GABRB1: variants seen among roughly 807,000 people sequenced by gnomAD.
The protein encoded by GABRB1 is gamma-aminobutyric acid type A receptor subunit beta1.
GABRB1 carries 17 observed loss-of-function variants against 51.6 expected under a neutral mutation model. The observed-to-expected ratio is 0.33, with a 90% CI of 0.23 to 0.49. The LOEUF (loss-of-function observed/expected upper bound fraction) is 0.49. Ranked by LOEUF, GABRB1 falls within the 20% of genes least tolerant of loss-of-function variation. The probability of loss-of-function intolerance (pLI) is 0.99; values close to 1 mark genes in which losing one functional copy is unlikely to be tolerated. For missense variants in GABRB1, 410 were observed against 600.6 expected, an observed-to-expected ratio of 0.68 and a Z score of 3.32; for synonymous variants, 247 against 218.9, an observed-to-expected ratio of 1.13 and a Z score of -1.14.
chr4:47,425,818 A>C lies in GABRB1; in HGVS notation c.1225A>C (p.Ser409Arg), dbSNP rs1207296223. The part of the protein sequence containing the change: ...SASIQYRKPL[S>R]SREAYGRALD... ...CAGCATCCAGTACCGCAAGCCCCTG[A>C]GCAGCCGCGAGGCCTACGGGCGCGC... is the stretch of plus-strand genomic sequence containing the variant. The change falls in exon 9 of 9, where the codon AGC becomes CGC. Residue 409 changes from serine (S) to arginine (R), a missense_variant. Ser to Arg is a moderately radical substitution (Grantham distance 110). Around this residue, in one of 5 missense-constraint regions of GABRB1, gnomAD observed 181 missense variants for 195.6 expected, o/e 0.93. Transcript: ENST00000295454. The C allele has an allele frequency of 6.2e-7, 1 of 1,614,116 alleles. No homozygotes were observed. Among genetic ancestry groups the C allele is most frequent in the East Asian group, 2.2e-5 (1 of 44,874 alleles).
chr4:47,056,542 A>C (rs1726613631), intron 3 of GABRB1, among the ~76,000 whole-genome samples: 1 of 152,198 alleles, frequency 6.6e-6, no homozygotes, highest in Non-Finnish European at 1.5e-5. Flanking sequence ...ATCAAAAGTC[A>C]AACATGAGTG....
intron 8 of GABRB1, among the ~76,000 whole-genome samples, chr4:47,408,922 G>T (rs1728666682): frequency 6.6e-6 from 1 of 152,102 alleles, no homozygotes; most frequent in African/African-American, 2.4e-5. Flanking sequence ...TGAACTGGAT[G>T]GATACTCAAA....
chr4:47,159,018 T>C (rs536792715), intron 3 of GABRB1, among the ~76,000 whole-genome samples: 1 of 152,028 alleles, frequency 6.6e-6, no homozygotes, highest in Non-Finnish European at 1.5e-5. Flanking sequence ...GGCTCACACT[T>C]GTAATCCCAG....
At chr4:47,310,202 A>T (rs900538395) in intron 4 of GABRB1, among the ~76,000 whole-genome samples, 46 of 152,218 alleles carry the variant, frequency 3.0e-4, no homozygotes, top group African/African-American at 1.1e-3. Context: ...TTCTAAAAAA[A>T]TGGCAAAGGT....
At chr4:47,391,493 T>A (rs1727990026) in intron 5 of GABRB1, among the ~76,000 whole-genome samples, 1 of 152,230 alleles carries the variant, frequency 6.6e-6, no homozygotes, top group South Asian at 2.1e-4. Flanking sequence ...CGGCAAACCA[T>A]CACTGACTCT....
At chr4:47,080,550 C>G (rs781358646) in intron 3 of GABRB1, among the ~76,000 whole-genome samples, 7 of 152,118 alleles carry the variant, frequency 4.6e-5, no homozygotes, top group Non-Finnish European at 8.8e-5. Flanking sequence ...CTAAGTAACT[C>G]AAGTTCTTTT....
chr4:47,282,325 T>A (rs143627419), intron 4 of GABRB1, among the ~76,000 whole-genome samples: 1 of 152,332 alleles, frequency 6.6e-6, no homozygotes, highest in African/African-American at 2.4e-5. Flanking sequence ...CTCTCTGTTA[T>A]ACCTGTAGTC....
At chr4:47,221,884 G>A (rs879537143) in intron 4 of GABRB1, among the ~76,000 whole-genome samples, 3 of 151,864 alleles carry the variant, frequency 2.0e-5, no homozygotes, top group Admixed American at 6.6e-5. Context: ...TAGAACTCCT[G>A]GCCAACAGCA....
rs1001856706 is a variant in GABRB1 at position 47,165,497 on chromosome 4, G to A, written c.461+4028G>A. Among the ~76,000 whole-genome samples, 5 of 151,978 alleles carry A rather than the reference G, an allele frequency of 3.3e-5. No homozygotes were observed. In the South Asian group the frequency reaches 1.0e-3, roughly 32 times the overall value. On this transcript the variant is annotated intron_variant, in intron 4 of 8. Coordinates refer to ENST00000295454, the MANE Select transcript of GABRB1 (RefSeq NM_000812.4). ...CCAAAAATTACCAAAACAATCACTG[G>A]TTCTCAATCTCTACTCTTGACTTCT... is the stretch of plus-strand genomic sequence containing the variant.
intron 8 of GABRB1, among the ~76,000 whole-genome samples, chr4:47,412,186 T>C (rs994931890): frequency 6.6e-6 from 1 of 152,218 alleles, no homozygotes; most frequent in Non-Finnish European, 1.5e-5. Flanking sequence ...TTTCTCCTTT[T>C]AAGCTACAGC....
At chr4:47,008,619 C>A (rs1240294828) in intron 1 of GABRB1, among the ~76,000 whole-genome samples, 3 of 147,770 alleles carry the variant, frequency 2.0e-5, no homozygotes, top group African/African-American at 7.4e-5. Flanking sequence ...CCCGCCACCA[C>A]ACCCAGCTAA....
chr4:47,157,862 A>C (rs1717770362), intron 3 of GABRB1, among the ~76,000 whole-genome samples: 1 of 152,130 alleles, frequency 6.6e-6, no homozygotes, highest in East Asian at 1.9e-4. Context: ...CCAGAAATGC[A>C]TTAAAAGACC....
chr4:47,397,709 G>A (rs112519699), intron 5 of GABRB1, among the ~76,000 whole-genome samples: 7 of 152,042 alleles, frequency 4.6e-5, no homozygotes, highest in African/African-American at 1.4e-4. Flanking sequence ...TGAGATTACA[G>A]GTGCCTGCCA....
intron 4 of GABRB1, among the ~76,000 whole-genome samples, chr4:47,242,566 A>G (rs1560293587): frequency 6.6e-6 from 1 of 152,132 alleles, no homozygotes; most frequent in African/African-American, 2.4e-5. Context: ...CTGACTTTTT[A>G]ATAATCGCTA....
At position 47,043,513 on chromosome 4, in the gene GABRB1, T is replaced by G. The variant is rs530831380; in HGVS notation, c.240+11029T>G. On this transcript the variant is annotated intron_variant, in intron 3 of 8. Transcript: ENST00000295454. ...TGTTCAAAATCACTGTTACCAGACA[T>G]AAATTTAACTTGATGAATTATGTGT... 2.0e-5 allele frequency among the ~76,000 whole-genome samples: 3 copies of G among 152,194 alleles called. No individual in the cohort carries two copies. The South Asian group carries it at 6.2e-4, about 32-fold the overall frequency.
intron 5 of GABRB1, among the ~76,000 whole-genome samples, chr4:47,399,628 T>C (rs950722219): frequency 3.9e-5 from 6 of 152,232 alleles, no homozygotes; most frequent in Non-Finnish European, 8.8e-5. Flanking sequence ...TAGAGTCTTC[T>C]GTAGAAGAGT....
chr4:47,287,256 T>C (rs1723546325), intron 4 of GABRB1, among the ~76,000 whole-genome samples: 2 of 152,232 alleles, frequency 1.3e-5, no homozygotes, highest in South Asian at 2.1e-4. Context: ...TGGTTCTGTG[T>C]TTTAATTTGA....
intron 4 of GABRB1, among the ~76,000 whole-genome samples, chr4:47,205,840 A>C (rs917916336): frequency 2.0e-5 from 3 of 152,106 alleles, no homozygotes; most frequent in Admixed American, 6.6e-5. Flanking sequence ...ATTTTGCTAA[A>C]TACGGTATTT....
At chr4:47,419,957 AG>A (rs1251404653) in intron 8 of GABRB1, among the ~76,000 whole-genome samples, 5 of 152,162 alleles carry the variant, frequency 3.3e-5, no homozygotes, top group Non-Finnish European at 7.3e-5. Flanking sequence ...GCCCTCCTGA[AG>A]CCTTATTAAT....
Sources: allele counts gnomAD v4.1 joint callset (sites outside exome capture counted in the v4.1 genomes callset), GRCh38; gene constraint gnomAD v4.1.1; regional missense constraint gnomAD v4.1.1; transcripts MANE v1.5; gene names NCBI Gene and HGNC (gene_info 2026-07-23, HGNC 2026-07-21).